Variants in CRTC1 observed in about 807,000 individuals in gnomAD.
The protein encoded by CRTC1 is CREB regulated transcription coactivator 1.
CRTC1 carries 18 observed loss-of-function variants against 66.1 expected under a neutral mutation model. The observed-to-expected ratio is 0.27, with a 90% CI of 0.19 to 0.40. CRTC1 has a LOEUF of 0.40. Ranked by LOEUF, CRTC1 falls within the 10% of genes least tolerant of loss-of-function variation. The pLI, the probability that CRTC1 is intolerant of heterozygous loss-of-function variation, is 1.00. For missense variants in CRTC1, 669 were observed against 887.9 expected (o/e 0.75, Z 3.13); for synonymous variants, 416 against 398.8 (o/e 1.04, Z -0.51).
chr19:18,695,994 G>A (rs576862722), intron 1 of CRTC1, among the ~76,000 whole-genome samples: 6 of 152,284 alleles, frequency 3.9e-5, no homozygotes, highest in Admixed American at 6.5e-5. Flanking sequence ...TGTGTGTGCC[G>A]GGAGCATGCA....
chr19:18,702,470 C>T (rs2053166649), intron 1 of CRTC1, among the ~76,000 whole-genome samples: 1 of 151,924 alleles, frequency 6.6e-6, no homozygotes, highest in Non-Finnish European at 1.5e-5. Flanking sequence ...AAGTGATCCT[C>T]CTCCTGCCTG....
chr19:18,738,760 A>G (rs1234057923), intron 1 of CRTC1, among the ~76,000 whole-genome samples: 1 of 152,246 alleles, frequency 6.6e-6, no homozygotes, highest in African/African-American at 2.4e-5. Flanking sequence ...AGATCGCGCC[A>G]TTACACTCCA....
In CRTC1 at chr19:18,768,428, G is replaced by A. The variant is rs2054782963; in HGVS notation, c.1012-57G>A. The A allele has an allele frequency of 2.0e-6, 3 of 1,485,024 alleles. No individual in the cohort carries two copies. Among genetic ancestry groups the A allele is most frequent in the Non-Finnish European group, 2.8e-6 (3 of 1,083,804 alleles). 92.0% of individuals were successfully genotyped at this position (1,485,024 alleles called of 1,614,324 possible). The stretch of plus-strand genomic sequence containing the variant: ...AGCATGCCAGGCTATGGGGGCCCGA[G>A]GGGGCCAGGCGCTGACAACCAGGGC... On this transcript the variant is annotated intron_variant, in intron 9 of 13. Coordinates refer to ENST00000321949, the MANE Select transcript of CRTC1 (RefSeq NM_015321.3). The surrounding 1 kb of genome is among the most constrained non-coding windows in gnomAD (Gnocchi z 5.6).
chr19:18,722,942 T>C (rs189137046), intron 1 of CRTC1, among the ~76,000 whole-genome samples: 2 of 152,256 alleles, frequency 1.3e-5, no homozygotes, highest in East Asian at 1.9e-4. Flanking sequence ...GGATCAGTGC[T>C]ACAGTCTTTT....
chr19:18,768,290 C>A lies in CRTC1; in HGVS notation c.1012-195C>A, dbSNP rs2054780425. Among the ~76,000 whole-genome samples, 1 of 152,182 alleles carries A rather than the reference C, an allele frequency of 6.6e-6. No homozygotes were observed. Among genetic ancestry groups the A allele is most frequent in the African/African-American group, 2.4e-5 (1 of 41,442 alleles). On this transcript the variant is annotated intron_variant, in intron 9 of 13. Coordinates refer to ENST00000321949, the MANE Select transcript of CRTC1 (RefSeq NM_015321.3). The surrounding 1 kb of genome is among the most constrained non-coding windows in gnomAD (Gnocchi z 5.6). ...CAGGTCCTGCCCAGCTCCAGCTGAC[C>A]CCCTTGGGGCCCTGCGTGAGGCCCA...
intron 1 of CRTC1, among the ~76,000 whole-genome samples, chr19:18,715,415 A>G (rs2053485121): frequency 6.6e-6 from 1 of 152,158 alleles, no homozygotes; most frequent in Non-Finnish European, 1.5e-5. Flanking sequence ...CTTCTCTTCT[A>G]AAGGCCCTTG....
chr19:18,776,108 G>A (rs950128949), intron 13 of CRTC1, among the ~76,000 whole-genome samples: 9 of 152,236 alleles, frequency 5.9e-5, no homozygotes, highest in Admixed American at 6.5e-5. Context: ...CAAGCAGCCC[G>A]GGTAAAGGTG....
chr19:18,774,183 A>G (rs958025753), intron 11 of CRTC1, among the ~76,000 whole-genome samples: 1 of 151,604 alleles, frequency 6.6e-6, no homozygotes, highest in African/African-American at 2.4e-5. Context: ...TCGCCTCCAC[A>G]CCCCAGCCAG....
chr19:18,766,296 T>TTA (rs60099233), intron 9 of CRTC1, among the ~76,000 whole-genome samples: 7,811 of 148,312 alleles, frequency 0.053, 729 homozygotes, highest in African/African-American at 0.19. Context: ...AATTTTTTTT[T>TTA]TTTTTTTTTT....
At chr19:18,689,187 T>G (rs1423367558) in intron 1 of CRTC1, among the ~76,000 whole-genome samples, 1 of 151,902 alleles carries the variant, frequency 6.6e-6, no homozygotes, top group African/African-American at 2.4e-5. Context: ...CCTCAAGTGA[T>G]TCACCCGCCT....
intron 9 of CRTC1, among the ~76,000 whole-genome samples, chr19:18,766,942 G>A (rs2054749837): frequency 6.6e-6 from 1 of 152,174 alleles, no homozygotes; most frequent in African/African-American, 2.4e-5. Flanking sequence ...TTAGGCGGGT[G>A]TAATGGTAAA....
At position 18,761,372 on chromosome 19, in the gene CRTC1, G is replaced by A. The variant is rs577251008; in HGVS notation, c.886+1144G>A. Among the ~76,000 whole-genome samples, 8 of 152,276 alleles carry A rather than the reference G, an allele frequency of 5.3e-5. No homozygotes were observed. The South Asian group carries it at 1.0e-3, about 20-fold the overall frequency. ...GCGTGGCCCCAACTAGTCCTGGGGG[G>A]TGGGACAGGCTGGAGGGGCTGTGGG... On this transcript the variant is annotated intron_variant, in intron 8 of 13. Transcript: ENST00000321949.
At position 18,780,499 on chromosome 19, in the gene CRTC1, AGT is replaced by A; in HGVS notation, c.*3122_*3123del. The A allele has an allele frequency of 4.3e-6, 1 of 230,912 alleles. No homozygotes were observed. Among genetic ancestry groups the A allele is most frequent in the East Asian group, 6.1e-5 (1 of 16,264 alleles). 14.3% of individuals were successfully genotyped at this position (230,912 alleles called of 1,614,324 possible). ...CTCTGGGGAGGAGAGTGTTGGCATC[AGT>A]GTGTTTGGCCTGATTTCTTCAGGGG... On this transcript the variant is annotated 3_prime_UTR_variant, in exon 14 of 14. Transcript: ENST00000321949.
rs1005309006 is a variant in CRTC1, at chr19:18,768,321, T to C, written c.1012-164T>C. On this transcript the variant is annotated intron_variant, in intron 9 of 13. Transcript: ENST00000321949. This position sits in a 1 kb window ranked among gnomAD's most constrained non-coding sequence, Gnocchi z 5.6. ...GGGGCCCTGCGTGAGGCCCACCCTC[T>C]CTAGCCTGGGCTCCCTCATCGTGAG... Among the ~76,000 whole-genome samples the C allele has an allele frequency of 1.3e-5, 2 of 152,108 alleles. No homozygotes were observed. Among genetic ancestry groups the C allele is most frequent in the African/African-American group, 4.8e-5 (2 of 41,406 alleles).
intron 1 of CRTC1, among the ~76,000 whole-genome samples, chr19:18,692,073 C>A (rs115551853): frequency 0.022 from 3,299 of 152,238 alleles, 63 homozygotes; most frequent in Admixed American, 0.044. Context: ...TACACTCCAA[C>A]CCCGACCCTG....
intron 8 of CRTC1, among the ~76,000 whole-genome samples, chr19:18,762,917 G>T (rs570653382): frequency 2.1e-4 from 32 of 152,284 alleles, no homozygotes; most frequent in African/African-American, 7.5e-4. Flanking sequence ...GGTATGTTTC[G>T]TGTGGGCCCA....
chr19:18,770,652 A>T (rs1601007935), intron 10 of CRTC1, among the ~76,000 whole-genome samples: 1 of 150,664 alleles, frequency 6.6e-6, no homozygotes, highest in East Asian at 2.0e-4. Context: ...CATGCATGTG[A>T]ATGTGTGTGC....
chr19:18,780,933 T>G lies in CRTC1; in HGVS notation c.*3551T>G, dbSNP rs2055090209. 1 of 222,512 alleles carries G rather than the reference T, an allele frequency of 4.5e-6. No individual in the cohort carries two copies. Among genetic ancestry groups the G allele is most frequent in the South Asian group, 1.8e-4 (1 of 5,446 alleles). 13.8% of individuals were successfully genotyped at this position (222,512 alleles called of 1,614,324 possible). A position where few individuals can be genotyped will look rare whatever the true frequency, so the allele number is the denominator to read the frequency against. On this transcript the variant is annotated 3_prime_UTR_variant, in exon 14 of 14. Coordinates refer to ENST00000321949, the MANE Select transcript of CRTC1 (RefSeq NM_015321.3). ...TTTTTAACCAAACATCCTTCCAAAC[T>G]CGGGCTGCGACCTGCTTCCTGAGTT...
At chr19:18,708,237 A>G (rs1031019525) in intron 1 of CRTC1, among the ~76,000 whole-genome samples, 1 of 152,074 alleles carries the variant, frequency 6.6e-6, no homozygotes, top group Non-Finnish European at 1.5e-5. Context: ...CAAGCTGGAG[A>G]GCTTGGACGT....
Sources: allele counts gnomAD v4.1 joint callset (sites outside exome capture counted in the v4.1 genomes callset), GRCh38; gene constraint gnomAD v4.1.1; non-coding constraint Gnocchi (gnomAD v3.1); transcripts MANE v1.5; gene names NCBI Gene and HGNC (gene_info 2026-07-23, HGNC 2026-07-21).